SH2D4B: variants seen among roughly 807,000 people sequenced by gnomAD.
The protein encoded by SH2D4B is SH2 domain containing 4B, also known as SH2 domain-containing protein 4B.
Under a neutral mutation model 61.5 loss-of-function variants are expected in SH2D4B, and 45 were observed. The observed-to-expected ratio is 0.73, with a 90% CI of 0.58 to 0.94. The LOEUF is 0.94. Among genes scored for constraint, SH2D4B ranks in the 40% least tolerant of loss-of-function variants. The probability of loss-of-function intolerance (pLI) is 0.00; values close to 1 mark genes in which losing one functional copy is unlikely to be tolerated. For missense variants in SH2D4B, 572 were observed against 574.2 expected, an observed-to-expected ratio of 1.00 and a Z score of 0.04; for synonymous variants, 224 against 220.4, an observed-to-expected ratio of 1.02 and a Z score of -0.14.
At chr10:80,600,553 G>GTGTGTGTGTGTGTGTGT (rs10677995) in intron 4 of SH2D4B, among the ~76,000 whole-genome samples, 4 of 150,904 alleles carry the variant, frequency 2.7e-5, no homozygotes, top group African/African-American at 9.8e-5. Context: ...GTGTGTGTGT[G>GTGTGTGTGTGTGTGTGT]CTGGGGAAGG....
intron 1 of SH2D4B, among the ~76,000 whole-genome samples, chr10:80,559,895 C>G (rs1205027294): frequency 6.6e-6 from 1 of 151,924 alleles, no homozygotes; most frequent in Non-Finnish European, 1.5e-5. Context: ...CCTTTGCCCC[C>G]CCAGAGTGGT....
chr10:80,603,503 T>C, intron 4 of SH2D4B, 76 bp from the exon 5 acceptor site: 2 of 1,352,754 alleles, frequency 1.5e-6, no homozygotes, highest in East Asian at 5.1e-5. Context: ...ACCAACCAAA[T>C]ACTTCCTGTC....
At chr10:80,553,988 A>G (rs1474248539) in intron 1 of SH2D4B, among the ~76,000 whole-genome samples, 2 of 152,186 alleles carry the variant, frequency 1.3e-5, no homozygotes, top group East Asian at 3.9e-4. Context: ...GATGATGATA[A>G]TAAGTTCTGC....
intron 6 of SH2D4B, among the ~76,000 whole-genome samples, chr10:80,611,397 C>T (rs1842597647): frequency 6.6e-6 from 1 of 152,096 alleles, no homozygotes; most frequent in Non-Finnish European, 1.5e-5. Context: ...ACTTTCAGAC[C>T]TCTTTCTTCT....
At chr10:80,578,751 T>C (rs868719375) in intron 3 of SH2D4B, among the ~76,000 whole-genome samples, 1 of 152,110 alleles carries the variant, frequency 6.6e-6, no homozygotes, top group Non-Finnish European at 1.5e-5. Context: ...ATGGCAATGA[T>C]GTGATTCAAG....
chr10:80,640,197 C>A (rs1232579006), intron 7 of SH2D4B, among the ~76,000 whole-genome samples: 1 of 152,172 alleles, frequency 6.6e-6, no homozygotes, highest in African/African-American at 2.4e-5. Flanking sequence ...TTAACCCGAC[C>A]TTTCTCTCCC....
chr10:80,604,777 C>T (rs1299795871), intron 5 of SH2D4B, among the ~76,000 whole-genome samples: 8 of 145,568 alleles, frequency 5.5e-5, no homozygotes, highest in Non-Finnish European at 1.0e-4. Context: ...TTCCAGAGGT[C>T]ACTACTGTTC....
In SH2D4B at chr10:80,538,378, T is replaced by C. The variant is rs1467793201; in HGVS notation, c.47T>C (p.Leu16Pro). The stretch of plus-strand genomic sequence containing the variant: ...GACATGTACATCGACCCCGAGCTCC[T>C]TGCCGAGCTCAGCGATGTGCAGAAG... ...LHDMYIDPEL[L>P]AELSDVQKHI... The change falls in exon 1 of 8, where the codon CTT becomes CCT. Residue 16 changes from leucine to proline, a missense_variant. By Grantham distance (98) the Leu-to-Pro change is moderately conservative (BLOSUM62 -3). Coordinates refer to ENST00000646907, the MANE Select transcript of SH2D4B (RefSeq NM_001388272.1). This position sits in a 1 kb window ranked among gnomAD's most constrained non-coding sequence, Gnocchi z 4.8. The C allele has an allele frequency of 4.9e-6, 7 of 1,419,846 alleles. No homozygotes were observed. Among genetic ancestry groups the C allele is most frequent in the Non-Finnish European group, 6.5e-6 (7 of 1,082,282 alleles). The allele number at this position is 1,419,846 out of a possible 1,614,324, so 88.0% of individuals were successfully genotyped here. A position where few individuals can be genotyped will look rare whatever the true frequency, so the allele number is the denominator to read the frequency against.
chr10:80,553,501 G>C (rs769369688), intron 1 of SH2D4B, among the ~76,000 whole-genome samples: 2 of 152,180 alleles, frequency 1.3e-5, no homozygotes, highest in African/African-American at 4.8e-5. Flanking sequence ...GGTTGGAGGT[G>C]GGGCGTTGTG....
At chr10:80,587,085 C>T (rs945834688) in intron 3 of SH2D4B, among the ~76,000 whole-genome samples, 1 of 146,670 alleles carries the variant, frequency 6.8e-6, no homozygotes, top group East Asian at 2.1e-4. Context: ...TCCGCGGCTT[C>T]ATTCTTGAAG....
rs7096010 is a variant in SH2D4B at position 80,614,284 on chromosome 10, C to T, written c.988+4733C>T. 2.6e-3 allele frequency among the ~76,000 whole-genome samples: 393 copies of T among 152,296 alleles called. 2 individuals carry two copies. The highest frequency in any genetic ancestry group is 9.1e-3 in the African/African-American group (379 of 41,562). On this transcript the variant is annotated intron_variant, in intron 6 of 7. Transcript: ENST00000646907. ...GGGGAGGCCTCAGGGAGCTTTTACTCGTGGCAGAAGGCGAAGCTGGAGCAG... is the reference window on the plus strand; with the variant it reads ...GGGGAGGCCTCAGGGAGCTTTTACTTGTGGCAGAAGGCGAAGCTGGAGCAG...
chr10:80,543,727 A>G (rs563025914), intron 1 of SH2D4B, among the ~76,000 whole-genome samples: 19 of 152,256 alleles, frequency 1.2e-4, no homozygotes, highest in African/African-American at 4.3e-4. Context: ...AGGGATTGTA[A>G]ATACACCAAT....
chr10:80,589,412 G>T (rs12248524), intron 4 of SH2D4B, among the ~76,000 whole-genome samples: 12,881 of 152,190 alleles, frequency 0.085, 600 homozygotes, highest in African/African-American at 0.12. Flanking sequence ...GGTGGCATGT[G>T]CCTGTAGTCC....
rs116407408 is a variant in SH2D4B at position 80,600,745 on chromosome 10, C to T, written c.644-2834C>T. 3.9e-3 allele frequency among the ~76,000 whole-genome samples: 589 copies of T among 152,234 alleles called. 6 individuals carry two copies. The highest frequency in any genetic ancestry group is 0.014 in the African/African-American group (573 of 41,532). ...GGTTTAATCTTTGTGTGACAAATGGCTCAAGGCCCCACCTGTCTGAATTCC... is the reference window on the plus strand; with the variant it reads ...GGTTTAATCTTTGTGTGACAAATGGTTCAAGGCCCCACCTGTCTGAATTCC... On this transcript the variant is annotated intron_variant, in intron 4 of 7. Transcript: ENST00000646907.
chr10:80,568,386 T>C lies in SH2D4B; in HGVS notation c.185-1768T>C, dbSNP rs75227866. Among the ~76,000 whole-genome samples the C allele has an allele frequency of 8.9e-3, 1,356 of 152,254 alleles. 17 individuals carry two copies. Among genetic ancestry groups the C allele is most frequent in the African/African-American group, 0.031 (1,282 of 41,532 alleles). On this transcript the variant is annotated intron_variant, in intron 1 of 7. Transcript: ENST00000646907. ...GCTGTGCAGTCCAGGGAAAGCAATCTTTCGGCAAGGAGGTGGGTGTCTCCT... is the reference window on the plus strand; with the variant it reads ...GCTGTGCAGTCCAGGGAAAGCAATCCTTCGGCAAGGAGGTGGGTGTCTCCT...
chr10:80,579,055 T>C (rs1420915109), intron 3 of SH2D4B, among the ~76,000 whole-genome samples: 1 of 152,086 alleles, frequency 6.6e-6, no homozygotes. Flanking sequence ...GTGCTTAGAT[T>C]GACTGCATTG....
At chr10:80,596,799 T>C (rs765959466) in intron 4 of SH2D4B, among the ~76,000 whole-genome samples, 73 of 152,206 alleles carry the variant, frequency 4.8e-4, no homozygotes, top group Non-Finnish European at 7.5e-4. Context: ...TAGCTCAACA[T>C]TGATCTTACT....
At chr10:80,541,666 T>C (rs1841581295) in intron 1 of SH2D4B, among the ~76,000 whole-genome samples, 1 of 151,260 alleles carries the variant, frequency 6.6e-6, no homozygotes, top group Non-Finnish European at 1.5e-5. Context: ...ACACTCCCCA[T>C]GTCCCTACAG....
intron 1 of SH2D4B, among the ~76,000 whole-genome samples, chr10:80,556,475 A>T (rs550062809): frequency 6.6e-6 from 1 of 152,330 alleles, no homozygotes; most frequent in South Asian, 2.1e-4. Flanking sequence ...TCAATTCTGT[A>T]AAAAGCTTTC....
Sources: gnomAD v4.1 joint callset for allele counts (sites outside exome capture counted in the v4.1 genomes callset) on GRCh38, gnomAD v4.1.1 for gene constraint, Gnocchi (gnomAD v3.1) non-coding constraint, MANE v1.5 for transcripts, NCBI Gene and HGNC (gene_info 2026-07-23, HGNC 2026-07-21) for gene names.